The following NAALADL2 variants were observed in gnomAD, a reference collection of about 807,000 sequenced individuals.
NAALADL2 encodes N-acetylated alpha-linked acidic dipeptidase like 2.
Under a neutral mutation model 87.2 loss-of-function variants are expected in NAALADL2, and 76 were observed. The observed-to-expected ratio is 0.87, with a 90% CI of 0.72 to 1.05. The LOEUF (loss-of-function observed/expected upper bound fraction) is 1.05. Ranked by LOEUF, NAALADL2 falls within the 50% of genes least tolerant of loss-of-function variation. NAALADL2 has a pLI of 0.00. For missense variants in NAALADL2, 1,089 were observed against 945.8 expected (o/e 1.15, Z -1.99); for synonymous variants, 354 against 331.0 (o/e 1.07, Z -0.75).
rs541240966 is a variant in NAALADL2 at position 174,626,455 on chromosome 3, T to A, written c.-115+75818T>A. ...TTACCTATTTATGCCTTTGCTTAATTTTTTATTAGTATGTTGGGTTTTCAC... is the reference window on the plus strand; with the variant it reads ...TTACCTATTTATGCCTTTGCTTAATATTTTATTAGTATGTTGGGTTTTCAC... On this transcript the variant is annotated intron_variant, in intron 2 of 3. Coordinates refer to the NAALADL2 transcript ENST00000434257. Among the ~76,000 whole-genome samples, 807 of 152,192 alleles carry A rather than the reference T, an allele frequency of 5.3e-3. 7 individuals are homozygous for A. The highest frequency in any genetic ancestry group is 0.019 in the African/African-American group (774 of 41,562).
chr3:175,041,822 T>C (rs1476360951), intron 1 of NAALADL2, among the ~76,000 whole-genome samples: 3 of 152,146 alleles, frequency 2.0e-5, no homozygotes, highest in Non-Finnish European at 4.4e-5. Context: ...ATTGTACATA[T>C]TCGAAAGGTA....
intron 1 of NAALADL2, among the ~76,000 whole-genome samples, chr3:174,986,325 AAT>A (rs1440207590): frequency 2.0e-5 from 3 of 148,300 alleles, no homozygotes; most frequent in African/African-American, 7.4e-5. Context: ...ATATATATAC[AAT>A]ATATATATTC....
At chr3:175,275,676 G>A (rs1380495652) in intron 4 of NAALADL2, among the ~76,000 whole-genome samples, 1 of 152,088 alleles carries the variant, frequency 6.6e-6, no homozygotes, top group Non-Finnish European at 1.5e-5. Context: ...CCCATATGGT[G>A]TCTTTATGCA....
At position 174,796,333 on chromosome 3, in the gene NAALADL2, T is replaced by C. The variant is rs138132651; in HGVS notation, c.-9+58587T>C. On this transcript the variant is annotated intron_variant, in intron 3 of 3. Coordinates refer to the NAALADL2 transcript ENST00000434257. ...GCATTCATCATCTGAATAATGTACA[T>C]TATACCCATTAAGTAATTTCTCATC... Among the ~76,000 whole-genome samples the C allele has an allele frequency of 6.4e-3, 975 of 152,290 alleles. 9 individuals are homozygous for C. The highest frequency in any genetic ancestry group is 0.024 in the Middle Eastern group (7 of 294).
At chr3:174,837,783 G>A (rs1268201780) in intron 3 of NAALADL2, among the ~76,000 whole-genome samples, 4 of 151,698 alleles carry the variant, frequency 2.6e-5, no homozygotes, top group Non-Finnish European at 4.4e-5. Flanking sequence ...GATAGAGTGC[G>A]ACTCTGTCTC....
chr3:175,242,636 T>C (rs1355782511), intron 3 of NAALADL2, among the ~76,000 whole-genome samples: 2 of 152,222 alleles, frequency 1.3e-5, no homozygotes, highest in Non-Finnish European at 2.9e-5. Flanking sequence ...ATATTTTAAT[T>C]TGATACTAAA....
At chr3:174,875,910 T>C (rs910845413) in intron 1 of NAALADL2, among the ~76,000 whole-genome samples, 2 of 152,024 alleles carry the variant, frequency 1.3e-5, no homozygotes, top group Admixed American at 6.6e-5. Flanking sequence ...TCAATCATGC[T>C]TATAGTAATA....
chr3:174,645,199 A>G (rs1163761003), intron 2 of NAALADL2, among the ~76,000 whole-genome samples: 2 of 152,194 alleles, frequency 1.3e-5, no homozygotes, highest in Non-Finnish European at 2.9e-5. Flanking sequence ...ATTATTGTAT[A>G]CCACATTGAG....
rs115081817 is a variant in NAALADL2 at position 175,625,191 on chromosome 3, C to T, written c.1801-2100C>T. ...CAGAAAACAATGTGCTAATATTGTT[C>T]CACATTTGACCCTTGGATAGTTACA... On this transcript the variant is annotated intron_variant, in intron 10 of 13. Coordinates refer to ENST00000454872, the MANE Select transcript of NAALADL2 (RefSeq NM_207015.3). 6.8e-3 allele frequency among the ~76,000 whole-genome samples: 1,029 copies of T among 151,996 alleles called. 9 individuals carry two copies. Among genetic ancestry groups the T allele is most frequent in the African/African-American group, 0.024 (987 of 41,508 alleles).
intron 9 of NAALADL2, among the ~76,000 whole-genome samples, chr3:175,496,939 C>T (rs745309959): frequency 6.6e-6 from 1 of 151,918 alleles, no homozygotes; most frequent in Non-Finnish European, 1.5e-5. Context: ...ATTTAATACT[C>T]CTTATCACAT....
chr3:175,404,707 G>A (rs1245010547), intron 5 of NAALADL2, among the ~76,000 whole-genome samples: 2 of 152,136 alleles, frequency 1.3e-5, no homozygotes, highest in Non-Finnish European at 2.9e-5. Context: ...TTTGTAAACT[G>A]CTGAGAATAT....
intron 10 of NAALADL2, among the ~76,000 whole-genome samples, chr3:175,604,529 C>T (rs888564447): frequency 6.6e-6 from 1 of 152,044 alleles, no homozygotes; most frequent in African/African-American, 2.4e-5. Flanking sequence ...TGGTCTTGAT[C>T]TCCTGACCTC....
At chr3:174,681,591 GAAGGGGACCTCCTACCTTA>G (rs1727544855) in intron 2 of NAALADL2, among the ~76,000 whole-genome samples, 1 of 152,174 alleles carries the variant, frequency 6.6e-6, no homozygotes. Context: ...CACTGGGCCA[GAAGGGGACCTCCTACCTTA>G]AAGGGAAGAA....
intron 1 of NAALADL2, among the ~76,000 whole-genome samples, chr3:174,505,147 C>T (rs954154173): frequency 1.3e-5 from 2 of 152,068 alleles, no homozygotes; most frequent in African/African-American, 4.8e-5. Context: ...ATTTTGTAAC[C>T]TAATATTATG....
At chr3:175,515,654 A>G (rs1431239979) in intron 9 of NAALADL2, among the ~76,000 whole-genome samples, 1 of 152,166 alleles carries the variant, frequency 6.6e-6, no homozygotes, top group South Asian at 2.1e-4. Flanking sequence ...GCACAAACCA[A>G]TGAAAGTTGG....
intron 2 of NAALADL2, among the ~76,000 whole-genome samples, chr3:175,121,886 G>C (rs913509636): frequency 6.6e-6 from 1 of 151,770 alleles, no homozygotes; most frequent in African/African-American, 2.4e-5. Flanking sequence ...TTATATAAAA[G>C]ACAGGACAAG....
chr3:175,336,906 T>G (rs552560338), intron 5 of NAALADL2, among the ~76,000 whole-genome samples: 1 of 152,120 alleles, frequency 6.6e-6, no homozygotes, highest in African/African-American at 2.4e-5. Flanking sequence ...CAATTTTATC[T>G]TGGAAAAAAA....
At chr3:174,827,093 G>A (rs1259354441) in intron 3 of NAALADL2, among the ~76,000 whole-genome samples, 1 of 151,934 alleles carries the variant, frequency 6.6e-6, no homozygotes, top group East Asian at 1.9e-4. Context: ...CTCTTCGTTG[G>A]ATGAAAATCC....
At chr3:175,126,642 G>A (rs1333770603) in intron 2 of NAALADL2, among the ~76,000 whole-genome samples, 2 of 151,926 alleles carry the variant, frequency 1.3e-5, no homozygotes, top group African/African-American at 4.8e-5. Context: ...AAAACAAAAC[G>A]AAACAAAACT....
Sources: gnomAD v4.1 joint callset for allele counts (sites outside exome capture counted in the v4.1 genomes callset) on GRCh38, gnomAD v4.1.1 for gene constraint, MANE v1.5 for transcripts, NCBI Gene and HGNC (gene_info 2026-07-23, HGNC 2026-07-21) for gene names.